The following RSPH10B variants were observed in gnomAD, a reference collection of about 807,000 sequenced individuals.
RSPH10B encodes radial spoke head 10 homolog B, also known as radial spoke head 10 homolog B (Chlamydomonas).
Under a neutral mutation model 52.5 loss-of-function variants are expected in RSPH10B, and 7 were observed. That is an observed-to-expected ratio of 0.13 (90% CI 0.08 to 0.25). The LOEUF is 0.25. Ranked by LOEUF, RSPH10B falls within the 10% of genes least tolerant of loss-of-function variation. The pLI, the probability that RSPH10B is intolerant of heterozygous loss-of-function variation, is 1.00. For synonymous variants in RSPH10B, 28 were observed against 193.2 expected, an observed-to-expected ratio of 0.14 and a Z score of 7.09; for missense variants, 89 against 542.5, an observed-to-expected ratio of 0.16 and a Z score of 8.30.
intron 11 of RSPH10B, 100 bp downstream of exon 13, chr7:5,944,963 CA>C: frequency 1.0e-5 from 5 of 501,288 alleles, no homozygotes; most frequent in Middle Eastern, 4.0e-4. Context: ...ACTCCATCTC[CA>C]AAAAAATAAA....
intron 4 of RSPH10B, among the ~76,000 whole-genome samples, chr7:5,960,353 C>T (rs1228327537): frequency 2.2e-5 from 1 of 45,148 alleles, no homozygotes; most frequent in Non-Finnish European, 4.7e-5. Context: ...GCAGAGGTTG[C>T]AGTGAGCTGA....
chr7:5,954,428 T>C (rs1449118843), intron 7 of RSPH10B, among the ~76,000 whole-genome samples: 32 of 26,052 alleles, frequency 1.2e-3, no homozygotes, highest in African/African-American at 4.7e-3. Flanking sequence ...CCTGAGCCAC[T>C]AAGCCTGGCC....
chr7:5,928,513 G>A (rs3094963), intron 17 of RSPH10B, 119 bp from the exon 20 acceptor site: 149,205 of 1,190,416 alleles, frequency 0.13, 2,061 homozygotes, highest in East Asian at 0.38. Context: ...GGCCAGGAGA[G>A]GGGAGAGGAG....
At position 5,932,804 on chromosome 7, in the gene RSPH10B, GATCCCTT is replaced by G; in HGVS notation, c.2204_2210del (p.Lys735ThrfsTer34). ...CACTGCTCTCAGATGAGAAAAAGGT[GATCCCTT>G]TTCCAGTCAATTTAAAATTCATTTT... is the stretch of plus-strand genomic sequence containing the variant. On this transcript the variant is annotated frameshift_variant, in exon 17 of 19. Transcript: ENST00000337579. LOFTEE classifies it high-confidence loss of function. 2.5e-6 allele frequency: 1 copy of G among 402,234 alleles called. No homozygotes were observed. Among genetic ancestry groups the G allele is most frequent in the South Asian group, 2.3e-5 (1 of 43,144 alleles). 24.9% of individuals were successfully genotyped at this position (402,234 alleles called of 1,614,324 possible).
intron 13 of RSPH10B, 155 bp downstream of exon 15, chr7:5,943,169 C>G: frequency 3.4e-6 from 5 of 1,467,150 alleles, no homozygotes; most frequent in South Asian, 1.4e-5. Flanking sequence ...GACCACTGTT[C>G]TGCCAAGAGA....
exon 18 of RSPH10B, chr7:5,928,306 A>G (rs374808287): frequency 1.9e-5 from 31 of 1,613,190 alleles, no homozygotes; most frequent in African/African-American, 2.7e-5. Flanking sequence ...TATACGCATG[A>G]AAGAGCGTGT....
intron 13 of RSPH10B, among the ~76,000 whole-genome samples, chr7:5,939,771 C>T (rs1392733812): frequency 3.9e-5 from 2 of 51,070 alleles, no homozygotes; most frequent in South Asian, 6.5e-4. Context: ...TGCTGTAGGC[C>T]GAAAAGCACG....
chr7:5,961,278 G>A (rs757598897), intron 3 of RSPH10B, among the ~76,000 whole-genome samples: 131 of 142,980 alleles, frequency 9.2e-4, no homozygotes, highest in Non-Finnish European at 1.3e-3. Context: ...GCTTGAGGCC[G>A]GGAATTTGAG....
intron 4 of RSPH10B, among the ~76,000 whole-genome samples, chr7:5,960,081 CAA>C (rs1780867326): frequency 3.0e-5 from 1 of 33,004 alleles, no homozygotes; most frequent in Non-Finnish European, 5.4e-5. Flanking sequence ...ACACACACAA[CAA>C]CAACAACAAC....
intron 12 of RSPH10B, among the ~76,000 whole-genome samples, 155 bp downstream of exon 14, chr7:5,943,756 G>A (rs1367189247): frequency 2.6e-5 from 4 of 151,102 alleles, no homozygotes; most frequent in Admixed American, 2.0e-4. Context: ...ATGTTGGCCA[G>A]GCTGGTCTTG....
At position 5,957,892 on chromosome 7, in the gene RSPH10B, C is replaced by T; in HGVS notation, c.780+15G>A. 1 of 1,318,302 alleles carries T rather than the reference C, an allele frequency of 7.6e-7. No individual in the cohort carries two copies. Among genetic ancestry groups the T allele is most frequent in the South Asian group, 1.5e-5 (1 of 64,814 alleles). The allele number at this position is 1,318,302 out of a possible 1,614,324, so 81.7% of individuals were successfully genotyped here. On this transcript the variant is annotated intron_variant, in intron 6 of 18. Coordinates refer to ENST00000337579, the Ensembl canonical transcript of RSPH10B. ...TCCGCCTCTGGGTATAAGCTGCTAC[C>T]CCGCCCGGGCGTACCTGGATGCCCC... is the stretch of plus-strand genomic sequence containing the variant.
At chr7:5,941,898 A>G (rs1441099602) in intron 13 of RSPH10B, among the ~76,000 whole-genome samples, 1 of 147,858 alleles carries the variant, frequency 6.8e-6, no homozygotes, top group African/African-American at 2.5e-5. Flanking sequence ...CCACTTCCTT[A>G]GTTTTTTTTT....
At position 5,933,531 on chromosome 7, in the gene RSPH10B, A is replaced by G. The variant is rs1779877136; in HGVS notation, c.2140-656T>C. 5.0e-5 allele frequency among the ~76,000 whole-genome samples: 7 copies of G among 140,868 alleles called. No homozygotes were observed. In the South Asian group the frequency reaches 1.5e-3, roughly 31 times the overall value. 92.4% of individuals were successfully genotyped at this position (140,868 alleles called of 152,430 possible). The stretch of plus-strand genomic sequence containing the variant: ...TCCCAGCACTTTGGGAGGCCGAGAC[A>G]GGTGGATCACAAGGTCAGGAGATCG... On this transcript the variant is annotated intron_variant, in intron 16 of 18. Coordinates refer to ENST00000337579, the Ensembl canonical transcript of RSPH10B.
chr7:5,942,525 C>T (rs1459727845), intron 13 of RSPH10B, among the ~76,000 whole-genome samples: 11 of 136,230 alleles, frequency 8.1e-5, no homozygotes, highest in African/African-American at 3.0e-4. Context: ...CCGCTGTACT[C>T]GGCCCTATCT....
chr7:5,965,253 A>AT (rs1166842526), intron 2 of RSPH10B, among the ~76,000 whole-genome samples: 45 of 712 alleles, frequency 0.063, 1 homozygote, highest in African/African-American at 0.11. Context: ...AAAAAAAAAA[A>AT]AAAATTAAAT....
Position 5,957,721 on chromosome 7 carries a change from G to A in RSPH10B, c.780+186C>T, listed in dbSNP as rs1485681242. On this transcript the variant is annotated intron_variant, in intron 6 of 18. Coordinates refer to ENST00000337579, the Ensembl canonical transcript of RSPH10B. Reference sequence around the variant, plus strand: ...TGAGGCAGGAGAATTGCTTGAACCCGGGAGGTGGAGGCTGCAGTGAGCCAA... The same window carrying A: ...TGAGGCAGGAGAATTGCTTGAACCCAGGAGGTGGAGGCTGCAGTGAGCCAA... Among the ~76,000 whole-genome samples the A allele has an allele frequency of 1.8e-3, 205 of 112,854 alleles. 3 individuals carry two copies. Among genetic ancestry groups the A allele is most frequent in the Middle Eastern group, 0.011 (2 of 174 alleles). The allele number at this position is 112,854 out of a possible 152,430, so 74.0% of individuals were successfully genotyped here.
At chr7:5,926,735 TCTC>T (rs1366111690) in intron 18 of RSPH10B, among the ~76,000 whole-genome samples, 187 bp from the exon 21 acceptor site, 4 of 139,652 alleles carry the variant, frequency 2.9e-5, no homozygotes, top group African/African-American at 8.1e-5. Flanking sequence ...AAAATAAACT[TCTC>T]ATCTATCTAT....
chr7:5,938,369 C>G (rs1780032730), intron 14 of RSPH10B, among the ~76,000 whole-genome samples: 2 of 121,210 alleles, frequency 1.7e-5, no homozygotes, highest in South Asian at 4.8e-4. Context: ...AGATCAAGAC[C>G]ATCCTGGCTA....
At chr7:5,941,940 T>C (rs1780213750) in intron 13 of RSPH10B, among the ~76,000 whole-genome samples, 1 of 149,256 alleles carries the variant, frequency 6.7e-6, no homozygotes, top group South Asian at 2.1e-4. Flanking sequence ...TTGCCTAGAC[T>C]GGAGTGCAGT....
Sources: gnomAD v4.1 joint callset for allele counts (sites outside exome capture counted in the v4.1 genomes callset) on GRCh38, gnomAD v4.1.1 for gene constraint, MANE v1.5 for transcripts, NCBI Gene and HGNC (gene_info 2026-07-23, HGNC 2026-07-21) for gene names.